Variants in CTTNBP2 observed in about 807,000 individuals in gnomAD.
CTTNBP2 encodes the protein cortactin binding protein 2, also known as cortactin-binding protein 2.
CTTNBP2 carries 108 observed loss-of-function variants against 156.9 expected under a neutral mutation model. That is an observed-to-expected ratio of 0.69 (90% confidence interval 0.59 to 0.81). The LOEUF (loss-of-function observed/expected upper bound fraction) is 0.81, where lower values mean the gene tolerates loss of function less well. Among genes scored for constraint, CTTNBP2 ranks in the 30% least tolerant of loss-of-function variants. CTTNBP2 has a pLI of 0.00. For missense variants in CTTNBP2, 1,924 were observed against 2,035.4 expected, an observed-to-expected ratio of 0.95 and a Z score of 1.05; for synonymous variants, 767 against 751.8, an observed-to-expected ratio of 1.02 and a Z score of -0.33.
chr7:117,749,195 A>AAT (rs1796495166), intron 12 of CTTNBP2, among the ~76,000 whole-genome samples: 1 of 152,146 alleles, frequency 6.6e-6, no homozygotes, highest in Non-Finnish European at 1.5e-5. Context: ...CCAGAGGTAT[A>AAT]TGGTTAATTT....
intron 17 of CTTNBP2, among the ~76,000 whole-genome samples, chr7:117,727,247 G>C (rs751156331): frequency 6.6e-6 from 1 of 152,050 alleles, no homozygotes; most frequent in African/African-American, 2.4e-5. Context: ...GCTGGAGTTC[G>C]GTGGCTTAAT....
At chr7:117,711,820 C>A in intron 22 of CTTNBP2, 38 bp from the exon 23 acceptor site, 1 of 1,584,542 alleles carries the variant, frequency 6.3e-7, no homozygotes, top group East Asian at 2.2e-5. Flanking sequence ...TTATCACAAA[C>A]TTCTCCTGTT....
At chr7:117,789,425 T>C (rs1449993995) in intron 4 of CTTNBP2, among the ~76,000 whole-genome samples, 3 of 152,188 alleles carry the variant, frequency 2.0e-5, no homozygotes, top group Non-Finnish European at 2.9e-5. Context: ...TCCACACATT[T>C]CTGGAACTTG....
chr7:117,765,122 G>C lies in CTTNBP2; in HGVS notation c.2896+1937C>G, dbSNP rs562558507. 5.9e-5 allele frequency among the ~76,000 whole-genome samples: 9 copies of C among 152,216 alleles called. No homozygotes were observed. The South Asian group carries it at 1.9e-3, about 32-fold the overall frequency. On this transcript the variant is annotated intron_variant, in intron 9 of 22. Coordinates refer to ENST00000160373, the MANE Select transcript of CTTNBP2 (RefSeq NM_033427.3). The stretch of plus-strand genomic sequence containing the variant: ...AGATAATTTTGTATTCTTTAGTAGA[G>C]ACGGGGTTTCTCTATGTTGGTCAGG...
intron 20 of CTTNBP2, 126 bp downstream of exon 20, chr7:117,720,941 T>C (rs1794755213): frequency 8.3e-6 from 6 of 719,704 alleles, no homozygotes; most frequent in South Asian, 6.3e-5. Context: ...ATGACATATA[T>C]AACTTTTTTA....
At chr7:117,800,775 G>T (rs1799565369) in intron 3 of CTTNBP2, among the ~76,000 whole-genome samples, 1 of 152,076 alleles carries the variant, frequency 6.6e-6, no homozygotes, top group South Asian at 2.1e-4. Context: ...TACATAGAGA[G>T]ACAGACAAGA....
chr7:117,828,041 A>G (rs1450483720), intron 2 of CTTNBP2, among the ~76,000 whole-genome samples: 3 of 152,178 alleles, frequency 2.0e-5, no homozygotes, highest in Admixed American at 6.5e-5. Flanking sequence ...GAAAAAATAA[A>G]CAGAAAGATC....
chr7:117,723,565 A>G (rs1794920860), intron 19 of CTTNBP2, among the ~76,000 whole-genome samples: 1 of 152,202 alleles, frequency 6.6e-6, no homozygotes, highest in South Asian at 2.1e-4. Context: ...TTTGGGAAAG[A>G]CATTTATAAT....
chr7:117,809,855 A>G (rs1423108551), intron 3 of CTTNBP2, among the ~76,000 whole-genome samples: 1 of 152,190 alleles, frequency 6.6e-6, no homozygotes, highest in Non-Finnish European at 1.5e-5. Flanking sequence ...AGGCCAAATA[A>G]AAGAAACATT....
intron 3 of CTTNBP2, among the ~76,000 whole-genome samples, chr7:117,802,758 C>T (rs116549298): frequency 0.011 from 1,624 of 152,112 alleles, 32 homozygotes; most frequent in African/African-American, 0.037. Context: ...AGAAGATATA[C>T]GAGTAGTCAA....
intron 14 of CTTNBP2, among the ~76,000 whole-genome samples, chr7:117,738,916 T>A (rs747711125): frequency 2.6e-5 from 4 of 152,170 alleles, no homozygotes; most frequent in Non-Finnish European, 4.4e-5. Flanking sequence ...ACATCTCACA[T>A]TCAATGGACA....
At chr7:117,717,852 A>C (rs895107998) in intron 22 of CTTNBP2, among the ~76,000 whole-genome samples, 166 bp downstream of exon 22, 1 of 152,058 alleles carries the variant, frequency 6.6e-6, no homozygotes, top group Non-Finnish European at 1.5e-5. Flanking sequence ...AATATTCTAT[A>C]AGTACTCTTT....
Position 117,780,556 on chromosome 7 carries a change from ATG to A in CTTNBP2, c.2406_2407del (p.Ile803Ter). On this transcript the variant is annotated frameshift_variant, in exon 7 of 23. Coordinates refer to ENST00000160373, the MANE Select transcript of CTTNBP2 (RefSeq NM_033427.3). LOFTEE classifies it high-confidence loss of function. ...CTGTCCTCCATCAGCAGCATGATTA[ATG>A]TTAGCATCATATGAAATTAATAATT... The A allele has an allele frequency of 4.4e-6, 7 of 1,590,852 alleles. No individual in the cohort carries two copies. The highest frequency in any genetic ancestry group is 6.0e-6 in the Non-Finnish European group (7 of 1,168,066).
chr7:117,845,417 T>C (rs1167140143), intron 2 of CTTNBP2, among the ~76,000 whole-genome samples: 1 of 152,212 alleles, frequency 6.6e-6, no homozygotes, highest in Non-Finnish European at 1.5e-5. Context: ...TGTTCATTAA[T>C]GCAGAGAAAA....
At chr7:117,833,945 G>A (rs1460086226) in intron 2 of CTTNBP2, among the ~76,000 whole-genome samples, 1 of 152,110 alleles carries the variant, frequency 6.6e-6, no homozygotes, top group African/African-American at 2.4e-5. Context: ...AACCTTAGAT[G>A]CTGCTTACTC....
At chr7:117,829,084 C>T (rs1801458924) in intron 2 of CTTNBP2, among the ~76,000 whole-genome samples, 1 of 152,172 alleles carries the variant, frequency 6.6e-6, no homozygotes, top group Non-Finnish European at 1.5e-5. Flanking sequence ...CCAAGCTACG[C>T]CACCCACTTT....
intron 14 of CTTNBP2, 114 bp downstream of exon 14, chr7:117,745,717 T>A: frequency 1.4e-6 from 1 of 693,972 alleles, no homozygotes; most frequent in Non-Finnish European, 2.5e-6. Context: ...AGCTGCTGAA[T>A]AATTAAAGTT....
intron 3 of CTTNBP2, among the ~76,000 whole-genome samples, chr7:117,806,502 C>T (rs1405785642): frequency 6.6e-6 from 1 of 152,168 alleles, no homozygotes; most frequent in Non-Finnish European, 1.5e-5. Context: ...TCTTCTCTCC[C>T]TGGGCACTCC....
At position 117,729,253 on chromosome 7, in the gene CTTNBP2, G is replaced by C. The variant is rs569318288; in HGVS notation, c.3877-986C>G. 2.3e-4 allele frequency among the ~76,000 whole-genome samples: 35 copies of C among 152,248 alleles called. 1 individual carries two copies. The highest frequency in any genetic ancestry group is 3.4e-3 in the Middle Eastern group (1 of 294). On this transcript the variant is annotated intron_variant, in intron 16 of 22. Coordinates refer to ENST00000160373, the MANE Select transcript of CTTNBP2 (RefSeq NM_033427.3). ...CCTAAGGACCTGAACAAACAGGAAG[G>C]GTGTCCACCTCTCTCCAAAGTGCAG...
Sources: gnomAD v4.1 joint callset for allele counts (sites outside exome capture counted in the v4.1 genomes callset) on GRCh38, gnomAD v4.1.1 for gene constraint, MANE v1.5 for transcripts, NCBI Gene and HGNC (gene_info 2026-07-23, HGNC 2026-07-21) for gene names.